SNTB1: variants seen among roughly 807,000 people sequenced by gnomAD.
SNTB1 encodes the protein syntrophin beta 1, also known as beta-1-syntrophin.
A neutral mutation model predicts 48.9 loss-of-function variants in SNTB1; 36 were observed. That is an observed-to-expected ratio of 0.74 (90% confidence interval 0.56 to 0.97). The LOEUF is 0.97. Ranked by LOEUF, SNTB1 falls within the 50% of genes least tolerant of loss-of-function variation. The probability of loss-of-function intolerance (pLI) is 0.00; values close to 1 mark genes in which losing one functional copy is unlikely to be tolerated. For synonymous variants in SNTB1, 299 were observed against 294.6 expected (o/e 1.01, Z -0.15); for missense variants, 786 against 703.4 (o/e 1.12, Z -1.33).
chr8:120,749,832 G>A (rs929599407), intron 1 of SNTB1, among the ~76,000 whole-genome samples: 1 of 152,076 alleles, frequency 6.6e-6, no homozygotes, highest in East Asian at 1.9e-4. Flanking sequence ...TAATTCCTGT[G>A]AACTTACCTA....
intron 3 of SNTB1, among the ~76,000 whole-genome samples, chr8:120,624,220 G>C (rs1166150888): frequency 1.3e-5 from 2 of 152,134 alleles, no homozygotes; most frequent in Non-Finnish European, 2.9e-5. Context: ...TTACAGGCAT[G>C]AACCACCGCA....
chr8:120,673,141 C>T (rs1465300228), intron 2 of SNTB1, among the ~76,000 whole-genome samples: 6 of 152,150 alleles, frequency 3.9e-5, no homozygotes, highest in Non-Finnish European at 8.8e-5. Context: ...TTATTGCTAA[C>T]TTCTAAGTGG....
chr8:120,660,525 G>A (rs1365353471), intron 2 of SNTB1, among the ~76,000 whole-genome samples: 5 of 152,184 alleles, frequency 3.3e-5, no homozygotes, highest in Non-Finnish European at 5.9e-5. Flanking sequence ...TTAGCTTAAG[G>A]AAATGTGGTG....
chr8:120,741,006 C>T (rs974833873), intron 1 of SNTB1, among the ~76,000 whole-genome samples: 1 of 152,158 alleles, frequency 6.6e-6, no homozygotes, highest in Non-Finnish European at 1.5e-5. Flanking sequence ...GATTTGATCC[C>T]ACAGCCTGTG....
chr8:120,780,220 T>C (rs900328492), intron 1 of SNTB1, among the ~76,000 whole-genome samples: 3 of 152,222 alleles, frequency 2.0e-5, no homozygotes, highest in African/African-American at 7.2e-5. Flanking sequence ...CAACTCCTTC[T>C]ACATTTCTTT....
chr8:120,797,588 A>G (rs1820144246), intron 1 of SNTB1, among the ~76,000 whole-genome samples: 1 of 94,372 alleles, frequency 1.1e-5, no homozygotes, highest in Non-Finnish European at 1.9e-5. Flanking sequence ...AAATCCTTCT[A>G]TGTGAAGGCC....
rs547154887 is a variant in SNTB1, at chr8:120,811,814, A to AGCCGCCGCCGCC, written c.18_29dup (p.Ala7_Ala10dup). On this transcript the variant is annotated inframe_insertion, in exon 1 of 7. Coordinates refer to ENST00000517992, the MANE Select transcript of SNTB1 (RefSeq NM_021021.4). ...GGCCGCCTCCCGCGCCAGCCGGCCC[A>AGCCGCCGCCGCC]GCCGCCGCCGCCGCCGCCGCTACCG... is the stretch of plus-strand genomic sequence containing the variant. 1 of 1,335,544 alleles carries AGCCGCCGCCGCC rather than the reference A, an allele frequency of 7.5e-7. No individual in the cohort carries two copies. The highest frequency in any genetic ancestry group is 3.1e-5 in the East Asian group (1 of 32,164). 82.7% of individuals were successfully genotyped at this position (1,335,544 alleles called of 1,614,324 possible). A position where few individuals can be genotyped will look rare whatever the true frequency, so the allele number is the denominator to read the frequency against.
At chr8:120,618,122 A>T (rs536941507) in intron 3 of SNTB1, among the ~76,000 whole-genome samples, 2 of 152,252 alleles carry the variant, frequency 1.3e-5, no homozygotes, top group East Asian at 3.9e-4. Context: ...GATTTTTAAG[A>T]TTCAGTTTAA....
chr8:120,704,817 AT>A (rs1176887641), intron 1 of SNTB1, among the ~76,000 whole-genome samples: 1 of 152,264 alleles, frequency 6.6e-6, no homozygotes, highest in African/African-American at 2.4e-5. Flanking sequence ...AAGATGAAAT[AT>A]AATAGGGATA....
At chr8:120,684,232 C>T (rs1817988575) in intron 2 of SNTB1, among the ~76,000 whole-genome samples, 1 of 152,270 alleles carries the variant, frequency 6.6e-6, no homozygotes, top group South Asian at 2.1e-4. Context: ...CCACAGGCCC[C>T]ATCTCTTAAT....
chr8:120,690,008 G>A (rs1818098217), intron 2 of SNTB1, among the ~76,000 whole-genome samples: 1 of 152,114 alleles, frequency 6.6e-6, no homozygotes, highest in African/African-American at 2.4e-5. Context: ...TATAATTATA[G>A]TAAGTCGACC....
chr8:120,557,633 C>T (rs1815586958), intron 4 of SNTB1, among the ~76,000 whole-genome samples: 1 of 152,172 alleles, frequency 6.6e-6, no homozygotes, highest in South Asian at 2.1e-4. Flanking sequence ...CCTCTGTATT[C>T]CCACACATCA....
At chr8:120,740,459 G>T (rs906522613) in intron 1 of SNTB1, among the ~76,000 whole-genome samples, 3 of 152,180 alleles carry the variant, frequency 2.0e-5, no homozygotes, top group Non-Finnish European at 2.9e-5. Flanking sequence ...AGGACTTGAG[G>T]TAGAAGGAAA....
rs73321294 is a variant in SNTB1 at position 120,727,802 on chromosome 8, A to C, written c.572-33894T>G. On this transcript the variant is annotated intron_variant, in intron 1 of 6. Transcript: ENST00000517992. ...TGCTGGGCTAATAAATATGGAACAC[A>C]TTCTGTGTGAGTTTGACTCCAAGCC... Among the ~76,000 whole-genome samples, 736 of 152,312 alleles carry C rather than the reference A, an allele frequency of 4.8e-3. 4 individuals are homozygous for C. The highest frequency in any genetic ancestry group is 0.031 in the Middle Eastern group (9 of 294).
intron 3 of SNTB1, among the ~76,000 whole-genome samples, chr8:120,631,670 T>G (rs988743604): frequency 1.3e-5 from 2 of 152,182 alleles, no homozygotes; most frequent in Admixed American, 6.5e-5. Flanking sequence ...GGCTCGATCC[T>G]TTGAAATAGA....
intron 1 of SNTB1, among the ~76,000 whole-genome samples, chr8:120,797,893 A>AAT (rs1194316310): frequency 1.1e-4 from 16 of 152,128 alleles, no homozygotes; most frequent in African/African-American, 3.9e-4. Flanking sequence ...GCTGGTTTGT[A>AAT]CACCTTTATT....
intron 4 of SNTB1, chr8:120,571,386 A>C (rs915760418): frequency 7.9e-7 from 1 of 1,271,998 alleles, no homozygotes; most frequent in Admixed American, 2.3e-5. Context: ...AAGTACAGAA[A>C]GCAATAGCGA....
intron 1 of SNTB1, among the ~76,000 whole-genome samples, chr8:120,735,536 G>A (rs781409506): frequency 2.0e-5 from 3 of 152,108 alleles, no homozygotes; most frequent in Non-Finnish European, 2.9e-5. Context: ...CGTGGTTGGT[G>A]TCCTTATTAT....
rs370047808 is a variant in SNTB1 at position 120,792,083 on chromosome 8, T to C, written c.571+19190A>G. Among the ~76,000 whole-genome samples, 23 of 150,524 alleles carry C rather than the reference T, an allele frequency of 1.5e-4. No homozygotes were observed. In the South Asian group the frequency reaches 4.9e-3, roughly 32 times the overall value. On this transcript the variant is annotated intron_variant, in intron 1 of 6. Coordinates refer to ENST00000517992, the MANE Select transcript of SNTB1 (RefSeq NM_021021.4). Reference sequence around the variant, plus strand: ...CCGATGAGTGGGTACCACTCATATATATATGAGTACTAAAGAAGCACACAC... The same window carrying C: ...CCGATGAGTGGGTACCACTCATATACATATGAGTACTAAAGAAGCACACAC...
Sources: gnomAD v4.1 joint callset for allele counts (sites outside exome capture counted in the v4.1 genomes callset) on GRCh38, gnomAD v4.1.1 for gene constraint, MANE v1.5 for transcripts, NCBI Gene and HGNC (gene_info 2026-07-23, HGNC 2026-07-21) for gene names.